GPAT4: variants seen among roughly 807,000 people sequenced by gnomAD.
GPAT4 encodes the protein glycerol-3-phosphate acyltransferase 4.
A neutral mutation model predicts 58.0 loss-of-function variants in GPAT4; 17 were observed. The ratio of observed to expected loss-of-function variants is 0.29; its 90% CI spans 0.20 to 0.44. The LOEUF (loss-of-function observed/expected upper bound fraction) is 0.44. Ranked by LOEUF, GPAT4 falls within the 20% of genes least tolerant of loss-of-function variation. The pLI is 1.00. For synonymous variants in GPAT4, 204 were observed against 210.1 expected (o/e 0.97, Z 0.25); for missense variants, 377 against 574.5 (o/e 0.66, Z 3.51).
intron 4 of GPAT4, 58 bp downstream of exon 4, chr8:41,610,013 C>CCACGTG: frequency 1.3e-6 from 2 of 1,541,694 alleles, no homozygotes; most frequent in Non-Finnish European, 1.7e-6. Context: ...GGTGCACAGC[C>CCACGTG]CACCTGCCTG....
At chr8:41,600,515 A>G (rs1803058658) in intron 2 of GPAT4, among the ~76,000 whole-genome samples, 1 of 151,902 alleles carries the variant, frequency 6.6e-6, no homozygotes, top group Non-Finnish European at 1.5e-5. Context: ...ATAGTGTGAA[A>G]TATTTTTTAT....
Position 41,602,453 on chromosome 8 carries a change from G to A in GPAT4, c.165+3149G>A, listed in dbSNP as rs551087342. Among the ~76,000 whole-genome samples, 512 of 152,296 alleles carry A rather than the reference G, an allele frequency of 3.4e-3. 1 individual carries two copies. The highest frequency in any genetic ancestry group is 5.7e-3 in the Non-Finnish European group (385 of 68,024). On this transcript the variant is annotated intron_variant, in intron 2 of 12. Transcript: ENST00000396987. The stretch of plus-strand genomic sequence containing the variant: ...ACAGCCTGGCTGTAAACTGAGTCAC[G>A]TGGGCCAGAAAGGACTGGCGTATTC...
Position 41,621,451 on chromosome 8 carries a change from G to C in GPAT4, c.*450G>C, listed in dbSNP as rs1275871806. 6.1e-6 allele frequency: 1 copy of C among 163,920 alleles called. No homozygotes were observed. Among genetic ancestry groups the C allele is most frequent in the African/African-American group, 2.4e-5 (1 of 41,784 alleles). The allele number at this position is 163,920 out of a possible 1,614,324, so 10.2% of individuals were successfully genotyped here. A position where few individuals can be genotyped will look rare whatever the true frequency, so the allele number is the denominator to read the frequency against. Reference sequence around the variant, plus strand: ...AGGCACAGCTGAGGCACTGTGGCTGGCTTCGGCCTCAACATCGCCCCCAGC... The same window carrying C: ...AGGCACAGCTGAGGCACTGTGGCTGCCTTCGGCCTCAACATCGCCCCCAGC... On this transcript the variant is annotated 3_prime_UTR_variant, in exon 13 of 13. Coordinates refer to ENST00000396987, the MANE Select transcript of GPAT4 (RefSeq NM_178819.4).
At chr8:41,609,303 C>A in intron 2 of GPAT4, 113 bp from the exon 3 acceptor site, 1 of 1,113,716 alleles carries the variant, frequency 9.0e-7, no homozygotes, top group Non-Finnish European at 1.3e-6. Flanking sequence ...TGCTTCTTGG[C>A]TACGGTCTTA....
intron 1 of GPAT4, among the ~76,000 whole-genome samples, chr8:41,591,149 G>A (rs1802779142): frequency 6.6e-6 from 1 of 152,074 alleles, no homozygotes; most frequent in Non-Finnish European, 1.5e-5. Context: ...TACGTGACTG[G>A]GGGCTGCATG....
chr8:41,580,674 T>C (rs1802487233), intron 1 of GPAT4, among the ~76,000 whole-genome samples: 1 of 152,264 alleles, frequency 6.6e-6, no homozygotes, highest in Non-Finnish European at 1.5e-5. Flanking sequence ...CAACTTACTT[T>C]CAGGATGGAC....
chr8:41,579,034 T>G (rs1458713353), intron 1 of GPAT4, among the ~76,000 whole-genome samples: 1 of 152,242 alleles, frequency 6.6e-6, no homozygotes, highest in Non-Finnish European at 1.5e-5. Flanking sequence ...TTCCTTAATT[T>G]TGGCTGAACT....
At chr8:41,600,048 T>C (rs1362712304) in intron 2 of GPAT4, among the ~76,000 whole-genome samples, 1 of 140,862 alleles carries the variant, frequency 7.1e-6, no homozygotes. Context: ...TTTTTTTTTT[T>C]TTTTTTCGAG....
chr8:41,601,977 CAG>C (rs1287543527), intron 2 of GPAT4, among the ~76,000 whole-genome samples: 1 of 149,240 alleles, frequency 6.7e-6, no homozygotes, highest in Non-Finnish European at 1.5e-5. Context: ...ATTTATGAGA[CAG>C]AGTCTTGCTC....
chr8:41,607,745 T>G (rs1803322046), intron 2 of GPAT4, among the ~76,000 whole-genome samples: 1 of 152,106 alleles, frequency 6.6e-6, no homozygotes, highest in South Asian at 2.1e-4. Context: ...CCCAGGCTGG[T>G]CTCAAACTCC....
intron 4 of GPAT4, chr8:41,610,238 C>A: frequency 7.7e-7 from 1 of 1,299,912 alleles, no homozygotes; most frequent in South Asian, 1.9e-5. Context: ...TTCTGCCACT[C>A]CTTCCTGGAC....
At chr8:41,606,721 C>T (rs897939979) in intron 2 of GPAT4, among the ~76,000 whole-genome samples, 3 of 152,128 alleles carry the variant, frequency 2.0e-5, no homozygotes, top group Non-Finnish European at 4.4e-5. Flanking sequence ...GGCGGTAAAT[C>T]AGGTGGCAGT....
In GPAT4 at chr8:41,622,987, A is replaced by T. The variant is rs1431645095; in HGVS notation, c.*1986A>T. 1 of 152,134 alleles carries T rather than the reference A, an allele frequency of 6.6e-6. No homozygotes were observed. Among genetic ancestry groups the T allele is most frequent in the East Asian group, 1.9e-4 (1 of 5,186 alleles). The allele number at this position is 152,134 out of a possible 1,614,324, so 9.4% of individuals were successfully genotyped here. On this transcript the variant is annotated 3_prime_UTR_variant, in exon 13 of 13. Coordinates refer to ENST00000396987, the MANE Select transcript of GPAT4 (RefSeq NM_178819.4). ...TTTTAAAAAGTTCATCTGAAACTTTATGGTTTGTTACTTTCGTGATTTGCA... is the reference window on the plus strand; with the variant it reads ...TTTTAAAAAGTTCATCTGAAACTTTTTGGTTTGTTACTTTCGTGATTTGCA...
At chr8:41,602,207 A>C (rs944273023) in intron 2 of GPAT4, among the ~76,000 whole-genome samples, 2 of 152,200 alleles carry the variant, frequency 1.3e-5, no homozygotes, top group Non-Finnish European at 2.9e-5. Flanking sequence ...CATCCGACTC[A>C]GTCTTCCAAA....
At chr8:41,618,162 A>C (rs72638928) in intron 10 of GPAT4, among the ~76,000 whole-genome samples, 12,723 of 152,288 alleles carry the variant, frequency 0.084, 794 homozygotes, top group Non-Finnish European at 0.12. Context: ...GAAGCTTTCT[A>C]ATAGTTTCCT....
At chr8:41,586,386 A>AT (rs542987139) in intron 1 of GPAT4, among the ~76,000 whole-genome samples, 1 of 152,152 alleles carries the variant, frequency 6.6e-6, no homozygotes, top group East Asian at 1.9e-4. Flanking sequence ...TTCATGTGCA[A>AT]TTTTTTTGGT....
At chr8:41,587,725 A>T (rs1563268483) in intron 1 of GPAT4, among the ~76,000 whole-genome samples, 1 of 152,186 alleles carries the variant, frequency 6.6e-6, no homozygotes, top group East Asian at 1.9e-4. Flanking sequence ...CCAAGGGGGT[A>T]AAAAAATCAC....
At chr8:41,607,813 G>C (rs1803324510) in intron 2 of GPAT4, among the ~76,000 whole-genome samples, 1 of 152,132 alleles carries the variant, frequency 6.6e-6, no homozygotes, top group African/African-American at 2.4e-5. Context: ...ACAGGCATGA[G>C]CCCCACTGCG....
rs558052760 is a variant in GPAT4 at position 41,623,089 on chromosome 8, G to A, written c.*2088G>A. 3.3e-5 allele frequency: 5 copies of A among 152,310 alleles called. No individual in the cohort carries two copies. The East Asian group carries it at 7.7e-4, about 24-fold the overall frequency. 9.4% of individuals were successfully genotyped at this position (152,310 alleles called of 1,614,324 possible). ...AGCACAGCTGTCTGCGGCCCCTGCC[G>A]GCAGGTGTGGCCGCACCTGGTGTGA... On this transcript the variant is annotated 3_prime_UTR_variant, in exon 13 of 13. Coordinates refer to ENST00000396987, the MANE Select transcript of GPAT4 (RefSeq NM_178819.4).
Sources: allele counts gnomAD v4.1 joint callset (sites outside exome capture counted in the v4.1 genomes callset), GRCh38; gene constraint gnomAD v4.1.1; transcripts MANE v1.5; gene names NCBI Gene and HGNC (gene_info 2026-07-23, HGNC 2026-07-21).